The following LRCH3 variants were observed in gnomAD, a reference collection of about 807,000 sequenced individuals.
LRCH3 encodes the protein DISP complex protein LRCH3.
A neutral mutation model predicts 104.5 loss-of-function variants in LRCH3; 68 were observed. The observed-to-expected ratio is 0.65, with a 90% CI of 0.54 to 0.80. LRCH3 has a LOEUF of 0.80. LRCH3 is among the 30% of genes least tolerant of loss of function. The pLI is 0.00. For synonymous variants in LRCH3, 344 were observed against 361.3 expected (o/e 0.95, Z 0.54); for missense variants, 951 against 953.9 (o/e 1.00, Z 0.04).
intron 10 of LRCH3, among the ~76,000 whole-genome samples, chr3:197,845,483 G>A (rs1180741448): frequency 2.0e-5 from 3 of 151,946 alleles, no homozygotes; most frequent in Admixed American, 6.6e-5. Context: ...CATGTTATCT[G>A]CATTTTTGTT....
chr3:197,854,947 A>G lies in LRCH3; in HGVS notation c.1644+502A>G, dbSNP rs931196993. ...GTTCACTTTTTAAACCCAAGGAAAC[A>G]TTAACTGCTGATCGTGTTGAACACT... On this transcript the variant is annotated intron_variant, in intron 14 of 20. Coordinates refer to ENST00000425562, the MANE Select transcript of LRCH3 (RefSeq NM_001365715.1). The surrounding 1 kb of genome is among the most constrained non-coding windows in gnomAD (Gnocchi z 4.5). Among the ~76,000 whole-genome samples, 3 of 152,228 alleles carry G rather than the reference A, an allele frequency of 2.0e-5. No homozygotes were observed. The highest frequency in any genetic ancestry group is 7.2e-5 in the African/African-American group (3 of 41,464).
intron 10 of LRCH3, among the ~76,000 whole-genome samples, chr3:197,844,623 GT>G (rs200180328): frequency 0.24 from 35,300 of 146,030 alleles, 4,345 homozygotes; most frequent in Middle Eastern, 0.3. Context: ...TAGGTTTTTT[GT>G]TTTTTTTTTT....
intron 20 of LRCH3, chr3:197,882,991 T>A: frequency 1.0e-6 from 1 of 985,436 alleles, no homozygotes; most frequent in Admixed American, 6.1e-5. Context: ...CAGGATACAC[T>A]GAGTTTCTTG....
chr3:197,864,715 T>TG (rs796637471), intron 15 of LRCH3, among the ~76,000 whole-genome samples: 7 of 148,958 alleles, frequency 4.7e-5, no homozygotes, highest in African/African-American at 1.7e-4. Context: ...TCTTCTTTTT[T>TG]TTTTTTTTTT....
intron 5 of LRCH3, among the ~76,000 whole-genome samples, chr3:197,827,741 T>C (rs984798178): frequency 6.6e-6 from 1 of 152,134 alleles, no homozygotes; most frequent in African/African-American, 2.4e-5. Flanking sequence ...TTTTAGTTAA[T>C]TTCTTTATTT....
intron 11 of LRCH3, 110 bp downstream of exon 11, chr3:197,847,570 C>A: frequency 1.1e-6 from 1 of 893,216 alleles, no homozygotes; most frequent in Non-Finnish European, 1.7e-6. Flanking sequence ...GCATTACTAG[C>A]TGTCTCAATC....
chr3:197,835,013 G>A (rs557869658), intron 8 of LRCH3, among the ~76,000 whole-genome samples: 10 of 152,088 alleles, frequency 6.6e-5, no homozygotes, highest in South Asian at 4.2e-4. Context: ...GCGTGGTGGT[G>A]CACACCTGTA....
intron 20 of LRCH3, among the ~76,000 whole-genome samples, chr3:197,879,389 G>A (rs1468853499): frequency 6.6e-6 from 1 of 152,152 alleles, no homozygotes; most frequent in Admixed American, 6.5e-5. Context: ...GCTCACGCCT[G>A]TAATCCCAGC....
rs1714338418 is a variant in LRCH3, at chr3:197,887,715, C to T, written c.*4049C>T. 1 of 124,468 alleles carries T rather than the reference C, an allele frequency of 8.0e-6. No individual in the cohort carries two copies. The highest frequency in any genetic ancestry group is 3.6e-5 in the African/African-American group (1 of 28,152). 7.7% of individuals were successfully genotyped at this position (124,468 alleles called of 1,614,324 possible). A position where few individuals can be genotyped will look rare whatever the true frequency, so the allele number is the denominator to read the frequency against. Reference sequence around the variant, plus strand: ...GAGAGCCCCCCAGCAGAGCCCTTCCCATCACTGACAGTGTCTGGGGCTGAG... The same window carrying T: ...GAGAGCCCCCCAGCAGAGCCCTTCCTATCACTGACAGTGTCTGGGGCTGAG... On this transcript the variant is annotated 3_prime_UTR_variant, in exon 21 of 21. Coordinates refer to ENST00000425562, the MANE Select transcript of LRCH3 (RefSeq NM_001365715.1).
Position 197,832,324 on chromosome 3 carries a change from A to T in LRCH3, c.1102+7A>T, listed in dbSNP as rs1196301075. 1 of 1,612,802 alleles carries T rather than the reference A, an allele frequency of 6.2e-7. No homozygotes were observed. The highest frequency in any genetic ancestry group is 1.1e-5 in the South Asian group (1 of 90,910). On this transcript the variant is annotated splice_region_variant and intron_variant, in intron 8 of 20. Transcript: ENST00000425562. ...GTAGTAACAAACGGCGGAGGTAAAC[A>T]TAATTCCGGTGACAGCTAAAGTGTT...
At chr3:197,865,313 G>A (rs953955721) in intron 15 of LRCH3, 110 bp from the exon 16 acceptor site, 3 of 724,648 alleles carry the variant, frequency 4.1e-6, no homozygotes, top group East Asian at 3.1e-5. Flanking sequence ...AGACTTAATC[G>A]TGAAGGAGAG....
chr3:197,837,887 A>G (rs1262085070), intron 9 of LRCH3, among the ~76,000 whole-genome samples: 1 of 129,766 alleles, frequency 7.7e-6, no homozygotes, highest in East Asian at 1.9e-4. Context: ...TCTCTACTAA[A>G]AATATATATT....
Position 197,888,064 on chromosome 3 carries a change from G to T in LRCH3, c.*4398G>T, listed in dbSNP as rs974477678. ...AAATACAGCTAATCAAGGAGTTTGC[G>T]ATTTCTCTTACTTTCTACAGCTCAG... On this transcript the variant is annotated 3_prime_UTR_variant, in exon 21 of 21. Coordinates refer to ENST00000425562, the MANE Select transcript of LRCH3 (RefSeq NM_001365715.1). The T allele has an allele frequency of 6.6e-6, 1 of 152,204 alleles. No individual in the cohort carries two copies. Among genetic ancestry groups the T allele is most frequent in the Admixed American group, 6.5e-5 (1 of 15,280 alleles). 9.4% of individuals were successfully genotyped at this position (152,204 alleles called of 1,614,324 possible).
At chr3:197,859,046 T>C in intron 15 of LRCH3, 141 bp downstream of exon 15, 3 of 668,052 alleles carry the variant, frequency 4.5e-6, no homozygotes, top group South Asian at 1.8e-5. Context: ...TTGTTTAACA[T>C]TGATTTCCCT....
At chr3:197,871,280 C>T (rs746956153) in intron 18 of LRCH3, 45 bp from the exon 19 acceptor site, 1 of 1,445,118 alleles carries the variant, frequency 6.9e-7, no homozygotes, top group Non-Finnish European at 9.7e-7. Flanking sequence ...TCCTATATGT[C>T]AGTCTTTCTT....
At chr3:197,817,360 G>GTGTGTATATATTTATATATA in intron 3 of LRCH3, 58 bp downstream of exon 3, 1 of 77,940 alleles carries the variant, frequency 1.3e-5, no homozygotes, top group Non-Finnish European at 1.8e-5. Context: ...GTGTGTGTGT[G>GTGTGTATATATTTATATATA]TATATATATA....
At position 197,799,749 on chromosome 3, in the gene LRCH3, TC is replaced by T. The variant is rs538499614; in HGVS notation, c.262+8212del. Among the ~76,000 whole-genome samples the T allele has an allele frequency of 1.1e-4, 17 of 152,196 alleles. No individual in the cohort carries two copies. The South Asian group carries it at 3.3e-3, about 30-fold the overall frequency. On this transcript the variant is annotated intron_variant, in intron 1 of 20. Transcript: ENST00000425562. ...TGGCTGTGGTGGCACGCGCCTGTAATCCCAGCTTCAGCTACTCGGGAGGCTG... is the reference window on the plus strand; with the variant it reads ...TGGCTGTGGTGGCACGCGCCTGTAATCCAGCTTCAGCTACTCGGGAGGCTG...
chr3:197,814,374 T>TG (rs1204021321), intron 1 of LRCH3, among the ~76,000 whole-genome samples: 1 of 152,170 alleles, frequency 6.6e-6, no homozygotes, highest in Non-Finnish European at 1.5e-5. Flanking sequence ...TCCCACAGCG[T>TG]GGGGGAATTC....
At position 197,871,311 on chromosome 3, in the gene LRCH3, T is replaced by G; in HGVS notation, c.1993-14T>G. On this transcript the variant is annotated splice_polypyrimidine_tract_variant and intron_variant, in intron 18 of 20. Coordinates refer to ENST00000425562, the MANE Select transcript of LRCH3 (RefSeq NM_001365715.1). ...TTCTTCAATTAATCTATTACATGTT[T>G]TTTGTTCTTTCAGCATATTGAGTAC... 6.2e-7 allele frequency: 1 copy of G among 1,601,388 alleles called. No individual in the cohort carries two copies. The highest frequency in any genetic ancestry group is 8.6e-7 in the Non-Finnish European group (1 of 1,168,922).
Sources: allele counts gnomAD v4.1 joint callset (sites outside exome capture counted in the v4.1 genomes callset), GRCh38; gene constraint gnomAD v4.1.1; non-coding constraint Gnocchi (gnomAD v3.1); transcripts MANE v1.5; gene names NCBI Gene and HGNC (gene_info 2026-07-23, HGNC 2026-07-21).